STPG2: variants seen among roughly 807,000 people sequenced by gnomAD.
STPG2 encodes the protein sperm tail PG-rich repeat containing 2.
A neutral mutation model predicts 54.2 loss-of-function variants in STPG2; 56 were observed. The ratio of observed to expected loss-of-function variants is 1.03; its 90% CI spans 0.83 to 1.29. The LOEUF is 1.29. Ranked by LOEUF, STPG2 falls within the 50% of genes most tolerant of loss-of-function variation. The probability of loss-of-function intolerance (pLI) is 0.00; values close to 1 mark genes in which losing one functional copy is unlikely to be tolerated. For missense variants in STPG2, 596 were observed against 544.9 expected (o/e 1.09, Z -0.93); for synonymous variants, 200 against 181.8 (o/e 1.10, Z -0.81).
intron 10 of STPG2, among the ~76,000 whole-genome samples, chr4:97,697,298 T>C (rs935690017): frequency 2.6e-5 from 4 of 152,160 alleles, no homozygotes; most frequent in Admixed American, 6.5e-5. Flanking sequence ...AAAGCATCTA[T>C]AAGGACACTC....
chr4:97,446,400 A>G (rs1729222597), intron 4 of STPG2, among the ~76,000 whole-genome samples: 1 of 152,226 alleles, frequency 6.6e-6, no homozygotes, highest in African/African-American at 2.4e-5. Context: ...TAGAAGAGCG[A>G]TACAAATATA....
downstream of STPG2, among the ~76,000 whole-genome samples, chr4:97,556,088 G>A (rs555904707): frequency 6.6e-6 from 1 of 152,174 alleles, no homozygotes; most frequent in Non-Finnish European, 1.5e-5. Flanking sequence ...TCATTATTAG[G>A]TGTCTCTGAA....
chr4:98,066,402 A>G (rs62321583), intron 5 of STPG2, among the ~76,000 whole-genome samples: 59,237 of 151,908 alleles, frequency 0.39, 11,777 homozygotes, highest in Middle Eastern at 0.46. Context: ...CAGCCTGGCC[A>G]ACATGGTGAA....
At chr4:97,624,861 C>T (rs934947669) in intron 10 of STPG2, among the ~76,000 whole-genome samples, 12 of 152,204 alleles carry the variant, frequency 7.9e-5, no homozygotes, top group African/African-American at 2.4e-4. Flanking sequence ...CTCCCAGCAC[C>T]GTTTATTAAA....
rs72881428 is a variant in STPG2 at position 97,820,263 on chromosome 4, C to A, written c.1204+20510G>T. ...GTGTGTGTTCCTATGGCTCCACTGACCAGACACTCTCCCATCTCTCTCCCT... is the reference window on the plus strand; with the variant it reads ...GTGTGTGTTCCTATGGCTCCACTGAACAGACACTCTCCCATCTCTCTCCCT... On this transcript the variant is annotated intron_variant, in intron 9 of 10. Transcript: ENST00000295268. 2.0e-3 allele frequency among the ~76,000 whole-genome samples: 304 copies of A among 152,206 alleles called. 2 individuals are homozygous for A. The highest frequency in any genetic ancestry group is 7.2e-3 in the African/African-American group (298 of 41,536).
intron 8 of STPG2, among the ~76,000 whole-genome samples, chr4:97,860,893 CATG>C (rs1467052241): frequency 6.6e-6 from 1 of 152,128 alleles, no homozygotes; most frequent in East Asian, 1.9e-4. Context: ...CCCCATTCAA[CATG>C]ATGTTTCCTT....
chr4:97,499,908 C>T (rs887103576), intron 4 of STPG2, among the ~76,000 whole-genome samples: 3 of 151,960 alleles, frequency 2.0e-5, no homozygotes, highest in Non-Finnish European at 4.4e-5. Context: ...AGTAATTGGG[C>T]TGGGCCTGGA....
chr4:97,859,254 T>A (rs1450388223), intron 8 of STPG2, among the ~76,000 whole-genome samples: 2 of 152,170 alleles, frequency 1.3e-5, no homozygotes, highest in Non-Finnish European at 2.9e-5. Flanking sequence ...CATGGGGTTG[T>A]TTTCTTACTG....
intron 8 of STPG2, among the ~76,000 whole-genome samples, chr4:97,924,214 A>C (rs1732247867): frequency 6.6e-6 from 1 of 152,042 alleles, no homozygotes; most frequent in Non-Finnish European, 1.5e-5. Flanking sequence ...CGGACACACC[A>C]CCTTTAAGAA....
chr4:97,962,902 T>C (rs1262602129), intron 7 of STPG2, among the ~76,000 whole-genome samples: 1 of 152,192 alleles, frequency 6.6e-6, no homozygotes, highest in African/African-American at 2.4e-5. Context: ...GGCTCACGCC[T>C]ATAATCCCAG....
chr4:97,940,624 T>G (rs1732940564), intron 8 of STPG2, among the ~76,000 whole-genome samples: 1 of 152,228 alleles, frequency 6.6e-6, no homozygotes, highest in African/African-American at 2.4e-5. Context: ...TGTGAAATTC[T>G]TGTATTGTGT....
chr4:97,729,589 C>G (rs1188527367), intron 9 of STPG2, among the ~76,000 whole-genome samples: 3 of 152,136 alleles, frequency 2.0e-5, no homozygotes, highest in Non-Finnish European at 4.4e-5. Context: ...GTTCTTTCCC[C>G]TATTACACAA....
intron 7 of STPG2, among the ~76,000 whole-genome samples, chr4:97,960,602 T>G (rs1283606281): frequency 6.6e-6 from 1 of 151,812 alleles, no homozygotes; most frequent in African/African-American, 2.4e-5. Context: ...TTACAATAGC[T>G]TCAAGAAAAA....
At chr4:97,932,078 C>T (rs775526043) in intron 8 of STPG2, among the ~76,000 whole-genome samples, 1 of 152,154 alleles carries the variant, frequency 6.6e-6, no homozygotes, top group Non-Finnish European at 1.5e-5. Context: ...TCTGTGGGAT[C>T]TGTAGTAACA....
At chr4:97,850,521 A>T (rs941637079) in intron 8 of STPG2, among the ~76,000 whole-genome samples, 26 of 151,892 alleles carry the variant, frequency 1.7e-4, no homozygotes, top group Middle Eastern at 3.4e-3. Flanking sequence ...TACTTTATAA[A>T]TTTTTTCATA....
intron 4 of STPG2, among the ~76,000 whole-genome samples, chr4:97,527,191 T>G (rs1433472354): frequency 6.6e-6 from 1 of 152,070 alleles, no homozygotes; most frequent in Non-Finnish European, 1.5e-5. Context: ...GATGTTCCCT[T>G]CCCTGTGTCC....
At chr4:97,803,466 G>A (rs182216880) in intron 9 of STPG2, among the ~76,000 whole-genome samples, 3 of 152,172 alleles carry the variant, frequency 2.0e-5, no homozygotes, top group Non-Finnish European at 4.4e-5. Flanking sequence ...AGGTGGAGGT[G>A]GGGGAGGATC....
chr4:98,035,315 A>C (rs1349861339), intron 5 of STPG2, among the ~76,000 whole-genome samples: 1 of 152,244 alleles, frequency 6.6e-6, no homozygotes, highest in Non-Finnish European at 1.5e-5. Context: ...TCTCAAAAGA[A>C]GACATTTATG....
intron 4 of STPG2, among the ~76,000 whole-genome samples, chr4:97,474,286 G>T (rs765601835): frequency 1.4e-4 from 22 of 151,800 alleles, no homozygotes; most frequent in Admixed American, 3.3e-4. Flanking sequence ...AAGACAAGAA[G>T]ACATTAAAAA....
Sources: allele counts gnomAD v4.1 joint callset (sites outside exome capture counted in the v4.1 genomes callset), GRCh38; gene constraint gnomAD v4.1.1; transcripts MANE v1.5; gene names NCBI Gene and HGNC (gene_info 2026-07-23, HGNC 2026-07-21).